Variants in ACSL1 observed in about 807,000 individuals in gnomAD.
ACSL1 encodes acyl-CoA synthetase long chain family member 1.
Under a neutral mutation model 98.4 loss-of-function variants are expected in ACSL1, and 41 were observed. The observed-to-expected ratio is 0.42, with a 90% CI of 0.32 to 0.54. ACSL1 has a LOEUF of 0.54. Among genes scored for constraint, ACSL1 ranks in the 20% least tolerant of loss-of-function variants. ACSL1 has a pLI of 0.13. For synonymous variants in ACSL1, 316 were observed against 322.7 expected (o/e 0.98, Z 0.22); for missense variants, 734 against 883.1 (o/e 0.83, Z 2.14).
chr4:184,768,979 G>A (rs1162336458), intron 11 of ACSL1, among the ~76,000 whole-genome samples: 1 of 152,184 alleles, frequency 6.6e-6, no homozygotes, highest in East Asian at 1.9e-4. Flanking sequence ...TGAGGCTGGA[G>A]AATCGCTTGA....
intron 3 of ACSL1, among the ~76,000 whole-genome samples, chr4:184,784,782 C>T (rs1161430994): frequency 6.6e-6 from 1 of 152,136 alleles, no homozygotes; most frequent in Non-Finnish European, 1.5e-5. Context: ...GTGTGCTGCA[C>T]ATGCAGATTC....
intron 3 of ACSL1, among the ~76,000 whole-genome samples, chr4:184,786,307 C>T (rs1425234116): frequency 2.6e-5 from 4 of 151,992 alleles, no homozygotes; most frequent in Non-Finnish European, 5.9e-5. Context: ...ATCAATTAGC[C>T]TATGGGAAAA....
chr4:184,768,526 T>A lies in ACSL1; in HGVS notation c.994-76A>T. On this transcript the variant is annotated intron_variant, in intron 11 of 20. Transcript: ENST00000281455. ...CACAACATATGGACAACATCCAACA[T>A]TTCAGTTTTAGCATTTCAGGCCAGT... 3 of 1,526,440 alleles carry A rather than the reference T, an allele frequency of 2.0e-6. No individual in the cohort carries two copies. In the East Asian group the frequency reaches 7.6e-5, roughly 39 times the overall value. 94.6% of individuals were successfully genotyped at this position (1,526,440 alleles called of 1,614,324 possible). A position where few individuals can be genotyped will look rare whatever the true frequency, so the allele number is the denominator to read the frequency against.
chr4:184,813,130 T>C lies in ACSL1; in HGVS notation c.-32-9584A>G, dbSNP rs368742633. On this transcript the variant is annotated intron_variant, in intron 1 of 20. Transcript: ENST00000281455. ...GTACATCCACTTGAGAAAATGATGA[T>C]TATAGTTAGGACATGCCCCATGACG... is the stretch of plus-strand genomic sequence containing the variant. Among the ~76,000 whole-genome samples, 165 of 152,272 alleles carry C rather than the reference T, an allele frequency of 1.1e-3. 3 individuals are homozygous for C. The South Asian group carries it at 0.026, about 24-fold the overall frequency.
intron 1 of ACSL1, chr4:184,820,975 G>C: frequency 2.2e-6 from 1 of 455,140 alleles, no homozygotes; most frequent in South Asian, 1.6e-5. Flanking sequence ...CCTGAAGCCA[G>C]ACTGCCTAGG....
chr4:184,763,511 T>C (rs965906150), intron 15 of ACSL1, among the ~76,000 whole-genome samples: 1 of 152,228 alleles, frequency 6.6e-6, no homozygotes, highest in Non-Finnish European at 1.5e-5. Context: ...TTGGCCTCTA[T>C]GTGAAGGTTC....
intron 11 of ACSL1, among the ~76,000 whole-genome samples, chr4:184,769,428 C>A (rs1173864159): frequency 2.6e-5 from 4 of 152,190 alleles, no homozygotes; most frequent in African/African-American, 7.2e-5. Flanking sequence ...GTCTTAGAAG[C>A]AGAAACCACG....
chr4:184,773,616 A>G lies in ACSL1; in HGVS notation c.841+47T>C. On this transcript the variant is annotated intron_variant, in intron 9 of 20. Transcript: ENST00000281455. This position sits in a 1 kb window ranked among gnomAD's most constrained non-coding sequence, Gnocchi z 4.3. ...ATCCAAAAGAGGTAGGGGAGAGTCC[A>G]GACCAATGGCTGCCATATGTAGAAG... The G allele has an allele frequency of 2.6e-6, 4 of 1,567,556 alleles. No individual in the cohort carries two copies. Among genetic ancestry groups the G allele is most frequent in the Non-Finnish European group, 3.5e-6 (4 of 1,151,826 alleles).
intron 1 of ACSL1, among the ~76,000 whole-genome samples, chr4:184,814,089 G>GACCATCCTGGCTCACACGGT (rs1772383912): frequency 6.6e-6 from 1 of 152,032 alleles, no homozygotes; most frequent in African/African-American, 2.4e-5. Context: ...AGGAGATCAA[G>GACCATCCTGGCTCACACGGT]ACCATCCTGG....
Position 184,776,982 on chromosome 4 carries a change from C to G in ACSL1, c.479G>C (p.Trp160Ser). 1 of 1,613,842 alleles carries G rather than the reference C, an allele frequency of 6.2e-7. No homozygotes were observed. The highest frequency in any genetic ancestry group is 8.5e-7 in the Non-Finnish European group (1 of 1,179,808). Residue 160 changes from tryptophan to serine, a missense_variant and splice_region_variant, in exon 6 of 21, where the codon TGG becomes TCG. Trp to Ser is a radical substitution (Grantham distance 177). Transcript: ENST00000281455. ...AAAGCATCCTTGTTCAATAATCACC[C>G]ACTAAACAAACAGTAAAGGTCAGGG... The part of the protein sequence containing the change: ...IGIFAQNRPE[W>S]VIIEQGCFAY...
intron 10 of ACSL1, 74 bp from the exon 11 acceptor site, chr4:184,770,550 C>T (rs534517628): frequency 1.7e-4 from 48 of 275,314 alleles, no homozygotes; most frequent in African/African-American, 7.9e-4. Flanking sequence ...ACACCAGGGA[C>T]GGTTGTGGGG....
intron 5 of ACSL1, among the ~76,000 whole-genome samples, chr4:184,779,208 G>A (rs1765799668): frequency 6.6e-6 from 1 of 152,180 alleles, no homozygotes; most frequent in Admixed American, 6.5e-5. Context: ...TTGTGGGAGG[G>A]ACCCTGGGGG....
chr4:184,759,392 G>A (rs536946902), intron 18 of ACSL1, among the ~76,000 whole-genome samples: 41 of 152,190 alleles, frequency 2.7e-4, no homozygotes, highest in Non-Finnish European at 4.4e-4. Context: ...CCATCAGAGC[G>A]AACAGGCAAC....
In ACSL1 at chr4:184,757,956, A is replaced by C. The variant is rs751100818; in HGVS notation, c.1783-36T>G. On this transcript the variant is annotated intron_variant, in intron 18 of 20. Coordinates refer to ENST00000281455, the MANE Select transcript of ACSL1 (RefSeq NM_001995.5). This position sits in a 1 kb window ranked among gnomAD's most constrained non-coding sequence, Gnocchi z 4.5. ...GACAAATGAGTTATTACATAGCTTG[A>C]TCCAAATGCTCTAAAATAGTGGTTC... The C allele has an allele frequency of 6.3e-7, 1 of 1,579,866 alleles. No homozygotes were observed. Among genetic ancestry groups the C allele is most frequent in the African/African-American group, 1.3e-5 (1 of 74,156 alleles).
rs780249746 is a variant in ACSL1, at chr4:184,766,765, G to A, written c.1129-9C>T. The A allele has an allele frequency of 9.1e-5, 146 of 1,607,520 alleles. No individual in the cohort carries two copies. Among genetic ancestry groups the A allele is most frequent in the Non-Finnish European group, 1.2e-4 (139 of 1,174,904 alleles). On this transcript the variant is annotated splice_polypyrimidine_tract_variant and intron_variant, in intron 12 of 20. Coordinates refer to ENST00000281455, the MANE Select transcript of ACSL1 (RefSeq NM_001995.5). The surrounding 1 kb of genome is among the most constrained non-coding windows in gnomAD (Gnocchi z 4.8). ...TTTGCTTGTCCGAAAATCTAATGAG[G>A]CAAGACATGAGAAAGTTTTCACACC...
At chr4:184,822,307 CCACTT>C (rs1208493962) in intron 1 of ACSL1, among the ~76,000 whole-genome samples, 12 of 152,174 alleles carry the variant, frequency 7.9e-5, no homozygotes, top group African/African-American at 2.7e-4. Flanking sequence ...TTACTCACCT[CCACTT>C]AAGTTTTTGT....
At chr4:184,767,559 A>G (rs969799301) in intron 12 of ACSL1, among the ~76,000 whole-genome samples, 4 of 152,160 alleles carry the variant, frequency 2.6e-5, no homozygotes, top group African/African-American at 9.6e-5. Flanking sequence ...AAAATGTTCT[A>G]AAATTGATTG....
intron 10 of ACSL1, 95 bp from the exon 11 acceptor site, chr4:184,770,571 G>C (rs1382999322): frequency 1.9e-5 from 10 of 523,326 alleles, no homozygotes; most frequent in Non-Finnish European, 3.1e-5. Context: ...TAGGGGGAGG[G>C]GGGAGGGATA....
intron 5 of ACSL1, among the ~76,000 whole-genome samples, chr4:184,777,977 A>T (rs555219466): frequency 1.1e-3 from 160 of 152,224 alleles, no homozygotes; most frequent in Non-Finnish European, 2.1e-3. Context: ...GCAGCAGGGC[A>T]CTGTATGCCC....
Sources: gnomAD v4.1 joint callset for allele counts (sites outside exome capture counted in the v4.1 genomes callset) on GRCh38, gnomAD v4.1.1 for gene constraint, Gnocchi (gnomAD v3.1) non-coding constraint, MANE v1.5 for transcripts, NCBI Gene and HGNC (gene_info 2026-07-23, HGNC 2026-07-21) for gene names.